The following KIRREL3 variants were observed in gnomAD, a reference collection of about 807,000 sequenced individuals.
KIRREL3 encodes kin of IRRE-like protein 3.
KIRREL3 carries 36 observed loss-of-function variants against 89.7 expected under a neutral mutation model. The ratio of observed to expected loss-of-function variants is 0.40; its 90% CI spans 0.31 to 0.53. KIRREL3 has a LOEUF of 0.53. Among genes scored for constraint, KIRREL3 ranks in the 20% least tolerant of loss-of-function variants. The pLI is 0.49. For synonymous variants in KIRREL3, 445 were observed against 441.4 expected, an observed-to-expected ratio of 1.01 and a Z score of -0.10; for missense variants, 864 against 1,056.6, an observed-to-expected ratio of 0.82 and a Z score of 2.53.
At chr11:126,758,201 G>A (rs529502071) in intron 1 of KIRREL3, among the ~76,000 whole-genome samples, 1 of 152,362 alleles carries the variant, frequency 6.6e-6, no homozygotes, top group South Asian at 2.1e-4. Context: ...GCAATTAAGA[G>A]CATTAGCATA....
At position 126,501,913 on chromosome 11, in the gene KIRREL3, C is replaced by T. The variant is rs745802135; in HGVS notation, c.433+19402G>A. ...ATGCACCCAGGTGCCAAGGTAAGCA[C>T]GGACGAGTGGGGACTGGTGGGCCAC... On this transcript the variant is annotated intron_variant, in intron 4 of 16. Transcript: ENST00000525144. This position sits in a 1 kb window ranked among gnomAD's most constrained non-coding sequence, Gnocchi z 5.8. Among the ~76,000 whole-genome samples the T allele has an allele frequency of 5.3e-5, 8 of 152,184 alleles. No homozygotes were observed. The highest frequency in any genetic ancestry group is 1.3e-4 in the Admixed American group (2 of 15,280).
rs1425943987 is a variant in KIRREL3 at position 126,918,305 on chromosome 11, T to A, written c.55+82150A>T. ...TGCAAGTAAGCAAATAAACATGATTTAATAGTAGATGAGAAGACTTTGCCA... is the reference window on the plus strand; with the variant it reads ...TGCAAGTAAGCAAATAAACATGATTAAATAGTAGATGAGAAGACTTTGCCA... On this transcript the variant is annotated intron_variant, in intron 1 of 16. Transcript: ENST00000525144. The surrounding 1 kb of genome is among the most constrained non-coding windows in gnomAD (Gnocchi z 6.5). Among the ~76,000 whole-genome samples the A allele has an allele frequency of 2.6e-5, 4 of 152,154 alleles. No individual in the cohort carries two copies. The highest frequency in any genetic ancestry group is 5.9e-5 in the Non-Finnish European group (4 of 68,030).
intron 1 of KIRREL3, among the ~76,000 whole-genome samples, chr11:126,673,305 C>T (rs908942644): frequency 5.3e-5 from 8 of 152,180 alleles, no homozygotes; most frequent in Admixed American, 1.3e-4. Context: ...GAACCAGTCC[C>T]GTCTGTTATC....
At position 126,445,018 on chromosome 11, in the gene KIRREL3, C is replaced by T. The variant is rs1955736177; in HGVS notation, c.1213G>A (p.Val405Met). 1.2e-6 allele frequency: 2 copies of T among 1,613,932 alleles called. No homozygotes were observed. The highest frequency in any genetic ancestry group is 8.5e-7 in the Non-Finnish European group (1 of 1,179,868). Residue 405 changes from valine (V) to methionine (M), a missense_variant, in exon 10 of 17, where the codon GTG becomes ATG. Val to Met is a conservative substitution (Grantham distance 21, BLOSUM62 1). Coordinates refer to ENST00000525144, the MANE Select transcript of KIRREL3 (RefSeq NM_032531.4). ...KYVCRAVVPR[V>M]GAGEREVTLT... Reference sequence around the variant, plus strand: ...GTCACCTCTCTCTCCCCGGCTCCCACACGGGGCACCACAGCCCGGCACACG... The same window carrying T: ...GTCACCTCTCTCTCCCCGGCTCCCATACGGGGCACCACAGCCCGGCACACG...
At chr11:126,602,370 C>T (rs1210816082) in intron 1 of KIRREL3, among the ~76,000 whole-genome samples, 1 of 152,144 alleles carries the variant, frequency 6.6e-6, no homozygotes, top group Non-Finnish European at 1.5e-5. Context: ...GGTCCTCTGC[C>T]CTTTCCACCT....
rs188809791 is a variant in KIRREL3 at position 126,563,432 on chromosome 11, G to A, written c.56-520C>T. Among the ~76,000 whole-genome samples the A allele has an allele frequency of 4.6e-5, 7 of 152,246 alleles. No homozygotes were observed. The East Asian group carries it at 1.3e-3, about 29-fold the overall frequency. ...GGATGAAGTGATTGCGTGAGTTTAGGGCAGCGGGGCGACACAGAGGTTAAG... is the reference window on the plus strand; with the variant it reads ...GGATGAAGTGATTGCGTGAGTTTAGAGCAGCGGGGCGACACAGAGGTTAAG... On this transcript the variant is annotated intron_variant, in intron 1 of 16. Transcript: ENST00000525144. This position sits in a 1 kb window ranked among gnomAD's most constrained non-coding sequence, Gnocchi z 6.8.
chr11:126,511,508 G>A (rs1043826908), intron 4 of KIRREL3, among the ~76,000 whole-genome samples: 3 of 152,140 alleles, frequency 2.0e-5, no homozygotes, highest in Non-Finnish European at 2.9e-5. Flanking sequence ...TCCTCTGCAG[G>A]ACACTGACCA....
chr11:126,431,510 G>A lies in KIRREL3; in HGVS notation c.1605C>T (p.Ala535=), dbSNP rs1181608076. The change falls in exon 14 of 17, where the codon GCC becomes GCT. Residue 535 remains alanine (A), a synonymous_variant. Transcript: ENST00000525144. This position sits in a 1 kb window ranked among gnomAD's most constrained non-coding sequence, Gnocchi z 7.1. ...CTCCTACGGCCACCCCAATGATGAC[G>A]GCCATCGGCACAGACTCTGTGGGAG... ...AGLEAESVPM[A]VIIGVAVGAG... 2.5e-6 allele frequency: 4 copies of A among 1,613,736 alleles called. No individual in the cohort carries two copies. The highest frequency in any genetic ancestry group is 8.5e-7 in the Non-Finnish European group (1 of 1,179,876).
At position 126,627,946 on chromosome 11, in the gene KIRREL3, C is replaced by T. The variant is rs1401822150; in HGVS notation, c.56-65034G>A. On this transcript the variant is annotated intron_variant, in intron 1 of 16. Transcript: ENST00000525144. This position sits in a 1 kb window ranked among gnomAD's most constrained non-coding sequence, Gnocchi z 5.0. ...CATCTTCATTCTGTCTCTCCCACCA[C>T]CGAGCAAGGCTCGGTCTCCTGGTTT... Among the ~76,000 whole-genome samples the T allele has an allele frequency of 6.6e-6, 1 of 152,228 alleles. No homozygotes were observed. The highest frequency in any genetic ancestry group is 6.5e-5 in the Admixed American group (1 of 15,290).
Position 126,814,428 on chromosome 11 carries a change from A to G in KIRREL3, c.55+186027T>C, listed in dbSNP as rs950572711. ...AATCCCATTACTGGATATATACCCA[A>G]AGGAATATAAATCATTGTATTATAA... On this transcript the variant is annotated intron_variant, in intron 1 of 16. Coordinates refer to ENST00000525144, the MANE Select transcript of KIRREL3 (RefSeq NM_032531.4). This position sits in a 1 kb window ranked among gnomAD's most constrained non-coding sequence, Gnocchi z 4.4. 2.6e-5 allele frequency among the ~76,000 whole-genome samples: 4 copies of G among 152,204 alleles called. No individual in the cohort carries two copies. The highest frequency in any genetic ancestry group is 9.7e-5 in the African/African-American group (4 of 41,448).
At chr11:126,599,331 A>T (rs1489603709) in intron 1 of KIRREL3, among the ~76,000 whole-genome samples, 1 of 152,032 alleles carries the variant, frequency 6.6e-6, no homozygotes, top group Non-Finnish European at 1.5e-5. Context: ...CTTGGCCCCT[A>T]ATGGACTCTC....
intron 1 of KIRREL3, among the ~76,000 whole-genome samples, chr11:126,700,055 G>A (rs139897766): frequency 8.0e-4 from 122 of 152,194 alleles, no homozygotes; most frequent in Middle Eastern, 3.4e-3. Flanking sequence ...TTCATTGAGC[G>A]TGGTGGCTCA....
At chr11:126,992,714 G>A (rs1207332606) in intron 1 of KIRREL3, among the ~76,000 whole-genome samples, 1 of 152,186 alleles carries the variant, frequency 6.6e-6, no homozygotes, top group African/African-American at 2.4e-5. Context: ...AATGTCCCTA[G>A]GTTTTTGTGC....
intron 1 of KIRREL3, among the ~76,000 whole-genome samples, chr11:126,806,235 C>T (rs545520499): frequency 6.6e-6 from 1 of 152,212 alleles, no homozygotes; most frequent in African/African-American, 2.4e-5. Flanking sequence ...GAATAACATT[C>T]TCCCTCATGT....
At chr11:126,548,240 G>T (rs1214370827) in intron 2 of KIRREL3, among the ~76,000 whole-genome samples, 1 of 152,162 alleles carries the variant, frequency 6.6e-6, no homozygotes, top group Non-Finnish European at 1.5e-5. Context: ...GTTCTCTGCA[G>T]GCTGCTGCTG....
chr11:126,903,201 C>T lies in KIRREL3; in HGVS notation c.55+97254G>A, dbSNP rs960634416. Among the ~76,000 whole-genome samples the T allele has an allele frequency of 6.6e-6, 1 of 152,106 alleles. No homozygotes were observed. The highest frequency in any genetic ancestry group is 2.4e-5 in the African/African-American group (1 of 41,416). On this transcript the variant is annotated intron_variant, in intron 1 of 16. Transcript: ENST00000525144. The surrounding 1 kb of genome is among the most constrained non-coding windows in gnomAD (Gnocchi z 4.5). ...AAAATGCTGGAAGCCTTGTAGTCAT[C>T]TTTGCTATATTTAGAGGGAAAATAA...
At chr11:126,866,825 A>T (rs1944941170) in intron 1 of KIRREL3, among the ~76,000 whole-genome samples, 1 of 151,808 alleles carries the variant, frequency 6.6e-6, no homozygotes, top group African/African-American at 2.4e-5. Context: ...GCGTGGCCTG[A>T]CTCCAGGGAA....
Position 126,562,973 on chromosome 11 carries a change from G to T in KIRREL3, c.56-61C>A. On this transcript the variant is annotated intron_variant, in intron 1 of 16. Coordinates refer to ENST00000525144, the MANE Select transcript of KIRREL3 (RefSeq NM_032531.4). The surrounding 1 kb of genome is among the most constrained non-coding windows in gnomAD (Gnocchi z 4.7). ...GGAACAGGTCAGGCATTGTTGGGGG[G>T]CCCTCTGCAGGGGGCTGTGGAGCTT... 2 of 1,281,854 alleles carry T rather than the reference G, an allele frequency of 1.6e-6. No individual in the cohort carries two copies. Among genetic ancestry groups the T allele is most frequent in the Non-Finnish European group, 2.3e-6 (2 of 884,626 alleles). 79.4% of individuals were successfully genotyped at this position (1,281,854 alleles called of 1,614,324 possible).
intron 1 of KIRREL3, among the ~76,000 whole-genome samples, chr11:126,971,710 T>C (rs1949429578): frequency 6.6e-6 from 1 of 152,194 alleles, no homozygotes; most frequent in South Asian, 2.1e-4. Context: ...TAACCCAAAT[T>C]AGCAAAGGGC....
Sources: gnomAD v4.1 joint callset for allele counts (sites outside exome capture counted in the v4.1 genomes callset) on GRCh38, gnomAD v4.1.1 for gene constraint, Gnocchi (gnomAD v3.1) non-coding constraint, MANE v1.5 for transcripts, NCBI Gene and HGNC (gene_info 2026-07-23, HGNC 2026-07-21) for gene names.